APBA2: variants seen among roughly 807,000 people sequenced by gnomAD.
The protein encoded by APBA2 is amyloid beta precursor protein binding family A member 2.
APBA2 carries 30 observed loss-of-function variants against 75.0 expected under a neutral mutation model. That is an observed-to-expected ratio of 0.40 (90% CI 0.30 to 0.54). The LOEUF is 0.54. Among genes scored for constraint, APBA2 ranks in the 20% least tolerant of loss-of-function variants. The pLI, the probability that APBA2 is intolerant of heterozygous loss-of-function variation, is 0.49. For synonymous variants in APBA2, 444 were observed against 409.6 expected, an observed-to-expected ratio of 1.08 and a Z score of -1.01; for missense variants, 801 against 1,016.1, an observed-to-expected ratio of 0.79 and a Z score of 2.88.
At chr15:28,965,458 G>A (rs2036690816) in intron 2 of APBA2, among the ~76,000 whole-genome samples, 1 of 152,038 alleles carries the variant, frequency 6.6e-6, no homozygotes, top group Non-Finnish European at 1.5e-5. Flanking sequence ...GCTATTCTCA[G>A]GCTTTTCTCT....
intron 1 of APBA2, chr15:28,894,019 C>T (rs2032307360): frequency 6.6e-6 from 1 of 152,206 alleles, no homozygotes; most frequent in Non-Finnish European, 1.5e-5. Flanking sequence ...TCCCACCCCT[C>T]ACTTTGGCAA....
At chr15:28,968,460 C>T (rs1319742384) in intron 2 of APBA2, among the ~76,000 whole-genome samples, 2 of 152,192 alleles carry the variant, frequency 1.3e-5, no homozygotes, top group Non-Finnish European at 2.9e-5. Flanking sequence ...TGGATGGGTG[C>T]ACTCCTGGTG....
At chr15:28,977,792 C>A (rs964831732) in intron 2 of APBA2, among the ~76,000 whole-genome samples, 2 of 152,156 alleles carry the variant, frequency 1.3e-5, no homozygotes, top group Admixed American at 1.3e-4. Context: ...TTGCCTAGTA[C>A]AGAAATGCTG....
chr15:28,994,590 C>T (rs1030246690), intron 2 of APBA2, among the ~76,000 whole-genome samples: 3 of 152,130 alleles, frequency 2.0e-5, no homozygotes, highest in South Asian at 2.1e-4. Context: ...TCCTCAGAGA[C>T]GTTGGGTCAT....
chr15:29,006,536 A>C (rs1187094042), intron 3 of APBA2, among the ~76,000 whole-genome samples: 1 of 152,332 alleles, frequency 6.6e-6, no homozygotes, highest in South Asian at 2.1e-4. Flanking sequence ...GGTAATTTAC[A>C]AAGGAAAGAG....
At chr15:29,053,040 A>G (rs929002360) in intron 3 of APBA2, among the ~76,000 whole-genome samples, 2 of 152,174 alleles carry the variant, frequency 1.3e-5, no homozygotes, top group Non-Finnish European at 2.9e-5. Context: ...TTTGGGGGAC[A>G]TATTAAGGCC....
chr15:28,898,928 G>A (rs2152626231), intron 1 of APBA2, among the ~76,000 whole-genome samples: 1 of 152,346 alleles, frequency 6.6e-6, no homozygotes, highest in East Asian at 1.9e-4. Context: ...ACGCTAAGAT[G>A]TATATAGATT....
rs974327835 is a variant in APBA2, at chr15:29,053,021, C to T, written c.-40-824C>T. 6.6e-5 allele frequency among the ~76,000 whole-genome samples: 10 copies of T among 152,178 alleles called. No homozygotes were observed. The South Asian group carries it at 1.2e-3, about 19-fold the overall frequency. On this transcript the variant is annotated intron_variant, in intron 3 of 14. Coordinates refer to ENST00000683413, the MANE Select transcript of APBA2 (RefSeq NM_001353788.2). ...GTTGCATTAGGGATTAAGTCTCCAA[C>T]GCATGAACTTTGGGGGACATATTAA...
intron 2 of APBA2, among the ~76,000 whole-genome samples, chr15:28,946,304 G>T (rs890694223): frequency 6.6e-6 from 1 of 152,188 alleles, no homozygotes; most frequent in Non-Finnish European, 1.5e-5. Context: ...ATTCAGGTGG[G>T]CCCTTATAAT....
chr15:28,947,722 C>A (rs66821722), intron 2 of APBA2, among the ~76,000 whole-genome samples: 44,807 of 152,070 alleles, frequency 0.29, 10,748 homozygotes, highest in African/African-American at 0.64. Context: ...CAGGAGGCCT[C>A]AGCAAAGCGC....
intron 1 of APBA2, among the ~76,000 whole-genome samples, chr15:28,915,947 A>C (rs1595448299): frequency 6.6e-6 from 1 of 151,734 alleles, no homozygotes; most frequent in South Asian, 2.1e-4. Context: ...CACACTCACT[A>C]CCCACCACAT....
At chr15:28,888,426 G>A (rs906765999) in intron 1 of APBA2, among the ~76,000 whole-genome samples, 14 of 152,180 alleles carry the variant, frequency 9.2e-5, no homozygotes, top group African/African-American at 3.1e-4. Context: ...TGTGGTGAGG[G>A]CTGTTGGAGT....
In APBA2 at chr15:29,117,839, T is replaced by C. The variant is rs944822380; in HGVS notation, c.*706T>C. On this transcript the variant is annotated 3_prime_UTR_variant, in exon 15 of 15. Coordinates refer to ENST00000683413, the MANE Select transcript of APBA2 (RefSeq NM_001353788.2). The stretch of plus-strand genomic sequence containing the variant: ...CACCTGCCTCTCCCGTCGTCTCTTC[T>C]GGGCACCCTCCCACCCGGCTGCATA... 1 of 152,240 alleles carries C rather than the reference T, an allele frequency of 6.6e-6. No individual in the cohort carries two copies. The highest frequency in any genetic ancestry group is 1.5e-5 in the Non-Finnish European group (1 of 68,094). 9.4% of individuals were successfully genotyped at this position (152,240 alleles called of 1,614,324 possible).
At chr15:29,098,805 G>T (rs2043979273) in intron 9 of APBA2, among the ~76,000 whole-genome samples, 2 of 152,254 alleles carry the variant, frequency 1.3e-5, no homozygotes, top group South Asian at 4.1e-4. Flanking sequence ...GGGAAGACCT[G>T]CTGGGCTACC....
intron 3 of APBA2, among the ~76,000 whole-genome samples, chr15:28,996,352 C>T (rs2038521279): frequency 6.6e-6 from 1 of 152,186 alleles, no homozygotes; most frequent in Non-Finnish European, 1.5e-5. Flanking sequence ...GCCTCCTCAT[C>T]TTGCCAGGGA....
intron 4 of APBA2, among the ~76,000 whole-genome samples, chr15:29,066,332 C>T (rs2042378056): frequency 6.6e-6 from 1 of 152,056 alleles, no homozygotes; most frequent in East Asian, 1.9e-4. Context: ...ACAAGCATAG[C>T]GAGAAAGTAC....
chr15:29,114,703 TGC>T (rs1491380502), intron 14 of APBA2, among the ~76,000 whole-genome samples: 4 of 146,426 alleles, frequency 2.7e-5, no homozygotes, highest in Non-Finnish European at 6.0e-5. Context: ...AATGAGTGTG[TGC>T]GTGCACGTGG....
At chr15:28,958,541 C>G (rs61020816) in intron 2 of APBA2, among the ~76,000 whole-genome samples, 5,059 of 152,324 alleles carry the variant, frequency 0.033, 297 homozygotes, top group African/African-American at 0.12. Context: ...GTAGGTAAAT[C>G]TCTTGCTGAA....
intron 6 of APBA2, among the ~76,000 whole-genome samples, chr15:29,078,703 T>A (rs1178255095): frequency 6.6e-6 from 1 of 151,870 alleles, no homozygotes; most frequent in Non-Finnish European, 1.5e-5. Context: ...GGATTGGCGC[T>A]GTTGTGTCTC....
Sources: allele counts gnomAD v4.1 joint callset (sites outside exome capture counted in the v4.1 genomes callset), GRCh38; gene constraint gnomAD v4.1.1; transcripts MANE v1.5; gene names NCBI Gene and HGNC (gene_info 2026-07-23, HGNC 2026-07-21).